The following BUB1B variants were observed in gnomAD, a reference collection of about 807,000 sequenced individuals.
BUB1B encodes the protein mitotic checkpoint serine/threonine-protein kinase BUB1 beta.
A neutral mutation model predicts 137.7 loss-of-function variants in BUB1B; 86 were observed. That is an observed-to-expected ratio of 0.62 (90% CI 0.52 to 0.75). The LOEUF is 0.75. Among genes scored for constraint, BUB1B ranks in the 30% least tolerant of loss-of-function variants. BUB1B has a pLI of 0.00. For missense variants in BUB1B, 1,130 were observed against 1,236.9 expected (o/e 0.91, Z 1.30); for synonymous variants, 420 against 417.9 (o/e 1.00, Z -0.06).
intron 8 of BUB1B, among the ~76,000 whole-genome samples, chr15:40,192,495 G>A (rs1474839386): frequency 6.6e-6 from 1 of 152,106 alleles, no homozygotes; most frequent in Non-Finnish European, 1.5e-5. Context: ...CATCATTACG[G>A]TGTCATTCAG....
intron 8 of BUB1B, among the ~76,000 whole-genome samples, chr15:40,190,334 G>A (rs1412896130): frequency 2.0e-5 from 3 of 151,932 alleles, no homozygotes; most frequent in Non-Finnish European, 1.5e-5. Flanking sequence ...GGCTGGGCAT[G>A]GTGGCTGATG....
chr15:40,213,392 C>T lies in BUB1B; in HGVS notation c.2596C>T (p.Leu866Phe). 6.2e-7 allele frequency: 1 copy of T among 1,613,780 alleles called. No homozygotes were observed. The highest frequency in any genetic ancestry group is 8.5e-7 in the Non-Finnish European group (1 of 1,179,710). ...HEITVLIIYN[L>F]LTIVEMLHKA... ...AATAACAGTGTTGATTATTTATAACCTTTTGACAATAGTGGAGATGCTACA... is the reference window on the plus strand; with the variant it reads ...AATAACAGTGTTGATTATTTATAACTTTTTGACAATAGTGGAGATGCTACA... Residue 866 changes from leucine to phenylalanine, a missense_variant, in exon 20 of 23, where the codon CTT (leucine) becomes TTT (phenylalanine). Physicochemically the swap from Leu to Phe is conservative, Grantham distance 22. Transcript: ENST00000287598.
chr15:40,192,824 A>G (rs1176620634), intron 8 of BUB1B, among the ~76,000 whole-genome samples: 2 of 152,212 alleles, frequency 1.3e-5, no homozygotes, highest in Admixed American at 1.3e-4. Context: ...AGTTTTAGCA[A>G]TTATGAATAA....
chr15:40,193,451 T>A (rs577935996), intron 8 of BUB1B, among the ~76,000 whole-genome samples: 49 of 151,462 alleles, frequency 3.2e-4, no homozygotes, highest in South Asian at 6.2e-4. Flanking sequence ...TTTTTTTTTT[T>A]TATATGCTTA....
At position 40,171,126 on chromosome 15, in the gene BUB1B, G is replaced by A. The variant is rs558313095; in HGVS notation, c.384+445G>A. ...TAATTTTTTAATTTTTAATAGAGAT[G>A]ACTTCTCTCTCTGTTACCCAGGCTG... is the stretch of plus-strand genomic sequence containing the variant. On this transcript the variant is annotated intron_variant, in intron 4 of 22. Transcript: ENST00000287598. Among the ~76,000 whole-genome samples the A allele has an allele frequency of 4.6e-5, 7 of 152,146 alleles. No individual in the cohort carries two copies. In the South Asian group the frequency reaches 1.2e-3, roughly 27 times the overall value.
chr15:40,216,559 ATATATATATATATTTT>A (rs1390737340), intron 20 of BUB1B, among the ~76,000 whole-genome samples: 30 of 79,860 alleles, frequency 3.8e-4, no homozygotes, highest in African/African-American at 1.6e-3. Context: ...ATATATATAT[ATATATATATATATTTT>A]TTTTTTTTTT....
chr15:40,209,598 T>G, intron 16 of BUB1B, 37 bp from the exon 17 acceptor site: 1 of 1,613,722 alleles, frequency 6.2e-7, no homozygotes, highest in Non-Finnish European at 8.5e-7. Context: ...TAGGGTTTTT[T>G]TGGTGATATA....
intron 2 of BUB1B, among the ~76,000 whole-genome samples, chr15:40,167,741 T>A (rs1214703597): frequency 6.6e-6 from 1 of 152,082 alleles, no homozygotes; most frequent in Admixed American, 6.5e-5. Flanking sequence ...TCCTCTCATA[T>A]GGGTTATCTT....
At chr15:40,189,375 G>A (rs966835432) in intron 8 of BUB1B, among the ~76,000 whole-genome samples, 2 of 152,154 alleles carry the variant, frequency 1.3e-5, no homozygotes, top group African/African-American at 4.8e-5. Context: ...GGCCAGGCTG[G>A]TCTCAAACTC....
chr15:40,194,147 CTTGAGA>C lies in BUB1B; in HGVS notation c.1059-2396_1059-2391del, dbSNP rs1283618175. 3.3e-5 allele frequency among the ~76,000 whole-genome samples: 5 copies of C among 151,938 alleles called. No homozygotes were observed. In the East Asian group the frequency reaches 9.7e-4, roughly 29 times the overall value. On this transcript the variant is annotated intron_variant, in intron 8 of 22. Transcript: ENST00000287598. ...TTTTTTCCCCTTTTTTACATGCTGC[CTTGAGA>C]TGTGATTTAATTTTATTTTCAGATT...
intron 14 of BUB1B, 70 bp downstream of exon 14, chr15:40,202,764 A>G (rs2037591054): frequency 1.5e-6 from 2 of 1,330,010 alleles, no homozygotes; most frequent in Non-Finnish European, 2.2e-6. Flanking sequence ...ACAAAAGCTT[A>G]AGGTTAAAAT....
chr15:40,188,188 C>T (rs908760945), intron 8 of BUB1B, among the ~76,000 whole-genome samples: 4 of 151,830 alleles, frequency 2.6e-5, no homozygotes, highest in African/African-American at 9.7e-5. Flanking sequence ...GCTGGGATTA[C>T]AGGTTCGGGC....
In BUB1B at chr15:40,165,172, A is replaced by G; in HGVS notation, c.155A>G (p.Asn52Ser). 1.9e-6 allele frequency: 3 copies of G among 1,614,244 alleles called. No individual in the cohort carries two copies. The highest frequency in any genetic ancestry group is 2.5e-6 in the Non-Finnish European group (3 of 1,180,052). ...GCACTGGCACAAGAATCTGCCTGTA[A>G]CAATACTCTTCAGCAGCAGAAACGG... ...QGALAQESAC[N>S]NTLQQQKRAF... Residue 52 changes from asparagine to serine, a missense_variant, in exon 2 of 23, where the codon AAC becomes AGC. Coordinates refer to ENST00000287598, the MANE Select transcript of BUB1B (RefSeq NM_001211.6).
intron 2 of BUB1B, among the ~76,000 whole-genome samples, chr15:40,166,784 A>G (rs2037103822): frequency 6.6e-6 from 1 of 152,172 alleles, no homozygotes; most frequent in Non-Finnish European, 1.5e-5. Context: ...ATTTGTACCA[A>G]ATCCACTCCA....
intron 5 of BUB1B, among the ~76,000 whole-genome samples, chr15:40,181,641 CTG>C (rs142009916): frequency 0.024 from 3,603 of 152,260 alleles, 62 homozygotes; most frequent in Non-Finnish European, 0.033. Context: ...CCCTGAAGCT[CTG>C]TTTAACCATT....
At chr15:40,182,386 C>G (rs1481072058) in intron 5 of BUB1B, among the ~76,000 whole-genome samples, 1 of 152,092 alleles carries the variant, frequency 6.6e-6, no homozygotes, top group Non-Finnish European at 1.5e-5. Context: ...TCCTGTTGGC[C>G]AATATTCCCT....
intron 5 of BUB1B, among the ~76,000 whole-genome samples, chr15:40,181,094 T>A (rs1419907008): frequency 1.1e-4 from 2 of 17,828 alleles, no homozygotes; most frequent in African/African-American, 3.1e-4. Flanking sequence ...CTAGATGTGA[T>A]TTTTTTTTTT....
At chr15:40,188,889 C>G (rs2037402804) in intron 8 of BUB1B, among the ~76,000 whole-genome samples, 1 of 151,674 alleles carries the variant, frequency 6.6e-6, no homozygotes, top group South Asian at 2.1e-4. Flanking sequence ...CCTTTTAAAG[C>G]TTTTTTTTCT....
chr15:40,188,034 A>G (rs2140893010), intron 8 of BUB1B, among the ~76,000 whole-genome samples: 1 of 152,354 alleles, frequency 6.6e-6, no homozygotes, highest in African/African-American at 2.4e-5. Flanking sequence ...TAAAATTAAT[A>G]TGGTACAGGA....
Sources: gnomAD v4.1 joint callset for allele counts (sites outside exome capture counted in the v4.1 genomes callset) on GRCh38, gnomAD v4.1.1 for gene constraint, MANE v1.5 for transcripts, NCBI Gene and HGNC (gene_info 2026-07-23, HGNC 2026-07-21) for gene names.